RIMS1: variants seen among roughly 807,000 people sequenced by gnomAD.
RIMS1 encodes the protein regulating synaptic membrane exocytosis 1, also known as regulating synaptic membrane exocytosis protein 1.
A neutral mutation model predicts 214.1 loss-of-function variants in RIMS1; 83 were observed. The observed-to-expected ratio is 0.39, with a 90% confidence interval of 0.32 to 0.47. The LOEUF is 0.47. Ranked by LOEUF, RIMS1 falls within the 20% of genes least tolerant of loss-of-function variation. RIMS1 has a pLI of 0.99. For missense variants in RIMS1, 2,050 were observed against 2,161.8 expected (o/e 0.95, Z 1.03); for synonymous variants, 793 against 786.8 (o/e 1.01, Z -0.13).
rs985551502 is a variant in RIMS1, at chr6:72,122,426, G to A, written c.471+22440G>A. Among the ~76,000 whole-genome samples, 33 of 151,290 alleles carry A rather than the reference G, an allele frequency of 2.2e-4. 2 individuals are homozygous for A. The highest frequency in any genetic ancestry group is 2.9e-4 in the African/African-American group (12 of 41,370). On this transcript the variant is annotated intron_variant, in intron 4 of 33. Transcript: ENST00000521978. ...TTTCACCATGTTAGCCAGGATGGTCGTGATCTCCTGACCTCATGATCCACC... is the reference window on the plus strand; with the variant it reads ...TTTCACCATGTTAGCCAGGATGGTCATGATCTCCTGACCTCATGATCCACC...
Position 72,150,389 on chromosome 6 carries a change from C to T in RIMS1, c.472-29186C>T, listed in dbSNP as rs538374173. On this transcript the variant is annotated intron_variant, in intron 4 of 33. Transcript: ENST00000521978. ...TTTTGGCTTTCAGACTTTAAACTGT[C>T]TTTTGGCTTGAAGGTGGGGTTTCAC... Among the ~76,000 whole-genome samples the T allele has an allele frequency of 3.9e-5, 6 of 152,252 alleles. No homozygotes were observed. In the South Asian group the frequency reaches 6.2e-4, roughly 16 times the overall value.
chr6:71,991,876 T>C (rs989511169), intron 2 of RIMS1, among the ~76,000 whole-genome samples: 3 of 152,092 alleles, frequency 2.0e-5, no homozygotes, highest in African/African-American at 7.2e-5. Context: ...CCAGCCTGGC[T>C]AACATGGTGA....
chr6:72,180,471 A>G (rs1219235562), intron 5 of RIMS1, among the ~76,000 whole-genome samples: 1 of 152,234 alleles, frequency 6.6e-6, no homozygotes, highest in Admixed American at 6.5e-5. Flanking sequence ...CAGTGCAAGT[A>G]GCAGAGGCAA....
At chr6:71,895,695 A>G (rs1403068496) in intron 1 of RIMS1, among the ~76,000 whole-genome samples, 6 of 143,228 alleles carry the variant, frequency 4.2e-5, no homozygotes, top group Non-Finnish European at 7.5e-5. Context: ...AAAAAAAAAA[A>G]AAGAAGGAAA....
At chr6:72,196,542 C>T (rs1400389392) in intron 6 of RIMS1, among the ~76,000 whole-genome samples, 1 of 139,416 alleles carries the variant, frequency 7.2e-6, no homozygotes, top group Non-Finnish European at 1.5e-5. Context: ...ACCCATTTCC[C>T]GTTTGCCCTA....
intron 4 of RIMS1, among the ~76,000 whole-genome samples, chr6:72,166,415 A>G (rs994703953): frequency 6.6e-6 from 1 of 152,016 alleles, no homozygotes; most frequent in Non-Finnish European, 1.5e-5. Context: ...AGCCACATTC[A>G]GAATTAGAGC....
intron 22 of RIMS1, among the ~76,000 whole-genome samples, chr6:72,271,376 AG>A (rs1171537290): frequency 1.3e-5 from 2 of 150,036 alleles, no homozygotes. Context: ...TAAGGACTAA[AG>A]TTATTAATTG....
chr6:72,141,057 T>C (rs1243345689), intron 4 of RIMS1, among the ~76,000 whole-genome samples: 3 of 151,980 alleles, frequency 2.0e-5, no homozygotes, highest in African/African-American at 7.2e-5. Context: ...TATTTTAAGG[T>C]GGGTATGACT....
chr6:72,067,997 G>C (rs1269015857), intron 2 of RIMS1, among the ~76,000 whole-genome samples: 1 of 152,130 alleles, frequency 6.6e-6, no homozygotes, highest in East Asian at 1.9e-4. Flanking sequence ...GTTCATGCTT[G>C]ACCCAAACTG....
intron 1 of RIMS1, among the ~76,000 whole-genome samples, chr6:71,946,357 C>T (rs534558469): frequency 1.3e-5 from 2 of 152,188 alleles, no homozygotes; most frequent in East Asian, 3.9e-4. Context: ...AAGCTGGGGC[C>T]ATCACACTAT....
At chr6:72,284,163 T>C in intron 24 of RIMS1, 45 bp downstream of exon 24, 1 of 1,498,464 alleles carries the variant, frequency 6.7e-7, no homozygotes. Flanking sequence ...ATTTTAGGAA[T>C]ATATTTAGGG....
intron 2 of RIMS1, among the ~76,000 whole-genome samples, chr6:72,046,280 G>T (rs1474024669): frequency 6.6e-6 from 1 of 151,852 alleles, no homozygotes; most frequent in African/African-American, 2.4e-5. Context: ...ATCCATCATT[G>T]TGTGTGTGTG....
Position 72,182,296 on chromosome 6 carries a change from A to T in RIMS1, c.825A>T (p.Pro275=), listed in dbSNP as rs755719717. 4.4e-6 allele frequency: 7 copies of T among 1,593,922 alleles called. No individual in the cohort carries two copies. In the African/African-American group the frequency reaches 5.4e-5, roughly 12 times the overall value. ...TTGTATATCATAGAAAGAAGACCCC[A>T]GGGCTTTCCGAGCAGAATGGCAAAG... ...SEPPRERKKT[P]GLSEQNGKGA... Residue 275 remains proline (P), a synonymous_variant, in exon 6 of 34, where the codon CCA becomes CCT. Coordinates refer to ENST00000521978, the MANE Select transcript of RIMS1 (RefSeq NM_014989.7).
In RIMS1 at chr6:72,250,469, T is replaced by G; in HGVS notation, c.2372+9T>G. 1 of 1,536,078 alleles carries G rather than the reference T, an allele frequency of 6.5e-7. No homozygotes were observed. Among genetic ancestry groups the G allele is most frequent in the Non-Finnish European group, 8.8e-7 (1 of 1,134,612 alleles). ...TTTCTTCCAGATAGAAGGTAGTGAA[T>G]AATTTTAGAAAAAAAAAATCTTAAA... On this transcript the variant is annotated intron_variant, in intron 13 of 33. Coordinates refer to ENST00000521978, the MANE Select transcript of RIMS1 (RefSeq NM_014989.7).
intron 1 of RIMS1, among the ~76,000 whole-genome samples, chr6:71,923,109 CT>C (rs1780508304): frequency 6.6e-6 from 1 of 152,234 alleles, no homozygotes. Context: ...CCATCCTACT[CT>C]TCCAGATCTC....
intron 6 of RIMS1, among the ~76,000 whole-genome samples, chr6:72,210,303 T>A (rs935101930): frequency 6.6e-6 from 1 of 152,224 alleles, no homozygotes; most frequent in African/African-American, 2.4e-5. Context: ...TTGTTTATGC[T>A]CAAGTAAGTT....
chr6:72,333,589 T>G lies in RIMS1; in HGVS notation c.4131-11T>G. ...TATGGATGCATATATGTTTTTACTTTGTAAATATAGTTCATTTACCCCCAA... is the reference window on the plus strand; with the variant it reads ...TATGGATGCATATATGTTTTTACTTGGTAAATATAGTTCATTTACCCCCAA... On this transcript the variant is annotated splice_polypyrimidine_tract_variant and intron_variant, in intron 28 of 33. Transcript: ENST00000521978. 4 of 1,552,858 alleles carry G rather than the reference T, an allele frequency of 2.6e-6. No homozygotes were observed. The highest frequency in any genetic ancestry group is 3.5e-6 in the Non-Finnish European group (4 of 1,142,942).
intron 4 of RIMS1, among the ~76,000 whole-genome samples, chr6:72,144,403 G>T (rs1281484705): frequency 6.6e-6 from 1 of 152,156 alleles, no homozygotes; most frequent in Non-Finnish European, 1.5e-5. Flanking sequence ...AAATATCAGT[G>T]ATGTAGTATT....
rs573748685 is a variant in RIMS1, at chr6:72,216,683, C to T, written c.1679-17090C>T. 342 of 985,590 alleles carry T rather than the reference C, an allele frequency of 3.5e-4. 1 individual carries two copies. The African/African-American group carries it at 5.5e-3, about 16-fold the overall frequency. 61.1% of individuals were successfully genotyped at this position (985,590 alleles called of 1,614,324 possible). A position where few individuals can be genotyped will look rare whatever the true frequency, so the allele number is the denominator to read the frequency against. On this transcript the variant is annotated intron_variant, in intron 6 of 33. Transcript: ENST00000521978. ...ACAGGCATCTGCTCAACCTTGTCAT[C>T]TTAATCCATGGGTATCCCAGTGAGT... is the stretch of plus-strand genomic sequence containing the variant.
Sources: allele counts gnomAD v4.1 joint callset (sites outside exome capture counted in the v4.1 genomes callset), GRCh38; gene constraint gnomAD v4.1.1; transcripts MANE v1.5; gene names NCBI Gene and HGNC (gene_info 2026-07-23, HGNC 2026-07-21).